The following PSMC1 variants were observed in gnomAD, a reference collection of about 807,000 sequenced individuals.
The protein encoded by PSMC1 is 26S proteasome regulatory subunit 4.
A neutral mutation model predicts 49.8 loss-of-function variants in PSMC1; 5 were observed. The ratio of observed to expected loss-of-function variants is 0.10; its 90% CI spans 0.05 to 0.21. The LOEUF is 0.21. PSMC1 is among the 10% of genes least tolerant of loss of function. The probability of loss-of-function intolerance (pLI) is 1.00; values close to 1 mark genes in which losing one functional copy is unlikely to be tolerated. For synonymous variants in PSMC1, 155 were observed against 192.1 expected, an observed-to-expected ratio of 0.81 and a Z score of 1.60; for missense variants, 181 against 535.7, an observed-to-expected ratio of 0.34 and a Z score of 6.54.
chr14:90,267,301 A>G (rs1429582255), intron 7 of PSMC1, among the ~76,000 whole-genome samples: 2 of 151,852 alleles, frequency 1.3e-5, no homozygotes, highest in African/African-American at 4.8e-5. Flanking sequence ...AGCTAGGATT[A>G]CAGGCATGTG....
intron 1 of PSMC1, among the ~76,000 whole-genome samples, chr14:90,257,353 G>A (rs1349603202): frequency 1.3e-5 from 2 of 152,110 alleles, no homozygotes; most frequent in Admixed American, 6.6e-5. Flanking sequence ...GGGTGGGGTG[G>A]TCATTGTTGT....
At chr14:90,269,600 G>A (rs1427926569) in intron 9 of PSMC1, 52 bp downstream of exon 9, 1 of 1,570,756 alleles carries the variant, frequency 6.4e-7, no homozygotes, top group Non-Finnish European at 8.7e-7. Context: ...ATATATTTGT[G>A]TTTAAGTGTG....
rs1255555636 is a variant in PSMC1, at chr14:90,266,023, A to G, written c.691+857A>G. Among the ~76,000 whole-genome samples the G allele has an allele frequency of 2.0e-5, 3 of 152,182 alleles. No homozygotes were observed. The East Asian group carries it at 5.8e-4, about 29-fold the overall frequency. The stretch of plus-strand genomic sequence containing the variant: ...ATAATCCTAGCACTGTGAGAGGTCA[A>G]GGCGGATGGATGACTTGAGGCCAGG... On this transcript the variant is annotated intron_variant, in intron 7 of 10. Transcript: ENST00000261303.
rs1743029197 is a variant in PSMC1, at chr14:90,273,216, A to AT, written c.*811dup. 6.6e-6 allele frequency: 1 copy of AT among 150,570 alleles called. No homozygotes were observed. The highest frequency in any genetic ancestry group is 6.6e-5 in the Admixed American group (1 of 15,050). The allele number at this position is 150,570 out of a possible 1,614,324, so 9.3% of individuals were successfully genotyped here. A position where few individuals can be genotyped will look rare whatever the true frequency, so the allele number is the denominator to read the frequency against. ...GGCCCACACTGAATGAGGAGTGTGT[A>AT]TTAGTTTTCTGTTAATACTATAACA... On this transcript the variant is annotated 3_prime_UTR_variant, in exon 11 of 11. Transcript: ENST00000261303.
At chr14:90,257,640 G>C (rs1285340090) in intron 1 of PSMC1, among the ~76,000 whole-genome samples, 1 of 152,058 alleles carries the variant, frequency 6.6e-6, no homozygotes, top group Admixed American at 6.5e-5. Context: ...ACGGAGTCTT[G>C]GTCTGTCGTC....
In PSMC1 at chr14:90,274,825, CA is replaced by C. The variant is rs1566678079; in HGVS notation, c.*2419del. ...ACACACACACACACACACACACACA[CA>C]CACACACACACACCCCAATACATAT... is the stretch of plus-strand genomic sequence containing the variant. On this transcript the variant is annotated 3_prime_UTR_variant, in exon 11 of 11. Transcript: ENST00000261303. The C allele has an allele frequency of 5.0e-3, 459 of 91,794 alleles. 5 individuals carry two copies. The highest frequency in any genetic ancestry group is 5.9e-3 in the Middle Eastern group (1 of 170). The allele number at this position is 91,794 out of a possible 1,614,324, so 5.7% of individuals were successfully genotyped here.
chr14:90,269,813 G>T, intron 9 of PSMC1: 1 of 408,650 alleles, frequency 2.4e-6, no homozygotes, highest in Non-Finnish European at 4.3e-6. Context: ...AGAACTTGCT[G>T]CTTTTTCTGG....
chr14:90,257,457 C>T (rs901347147), intron 1 of PSMC1, among the ~76,000 whole-genome samples: 1 of 151,868 alleles, frequency 6.6e-6, no homozygotes. Flanking sequence ...TTGAGCGGAC[C>T]GAAATTGAGG....
At chr14:90,265,222 A>G (rs1403127338) in intron 7 of PSMC1, 56 bp downstream of exon 7, 1 of 1,220,062 alleles carries the variant, frequency 8.2e-7, no homozygotes, top group Non-Finnish European at 1.2e-6. Flanking sequence ...GAGCAGCAGC[A>G]TTGGCTAGTT....
chr14:90,273,155 G>C lies in PSMC1; in HGVS notation c.*748G>C, dbSNP rs536566107. On this transcript the variant is annotated 3_prime_UTR_variant, in exon 11 of 11. Transcript: ENST00000261303. The stretch of plus-strand genomic sequence containing the variant: ...TATTAAGTGGGACAGATCAAGGTAA[G>C]CGTTCCCTTGACAGGTGGCCTGGTG... 9.8e-5 allele frequency: 15 copies of C among 152,326 alleles called. No individual in the cohort carries two copies. The highest frequency in any genetic ancestry group is 9.8e-4 in the Admixed American group (15 of 15,296). 9.4% of individuals were successfully genotyped at this position (152,326 alleles called of 1,614,324 possible).
chr14:90,261,606 C>A (rs11845384), intron 3 of PSMC1, among the ~76,000 whole-genome samples: 83,253 of 151,482 alleles, frequency 0.55, 23,504 homozygotes, highest in Middle Eastern at 0.72. Flanking sequence ...TACCATCTCA[C>A]ACCAGTTAGA....
intron 3 of PSMC1, 30 bp from the exon 4 acceptor site, chr14:90,263,288 A>C: frequency 6.3e-7 from 1 of 1,575,850 alleles, no homozygotes; most frequent in Non-Finnish European, 8.6e-7. Context: ...CAGGGTCCAC[A>C]TATAATGAAA....
In PSMC1 at chr14:90,268,298, ATTCAGAAGTACCT is replaced by A; in HGVS notation, c.767_779del (p.Ile256LysfsTer54). The A allele has an allele frequency of 1.2e-6, 2 of 1,611,192 alleles. No homozygotes were observed. Among genetic ancestry groups the A allele is most frequent in the Non-Finnish European group, 1.7e-6 (2 of 1,177,598 alleles). On this transcript the variant is annotated frameshift_variant, in exon 8 of 11. Coordinates refer to ENST00000261303, the MANE Select transcript of PSMC1 (RefSeq NM_002802.3). LOFTEE classifies it high-confidence loss of function. ...CTTGAGAGTGGTTGGCTCTGAACTTATTCAGAAGTACCTAGGTGATGGGCCCAAACTCGTACGG... is the reference window on the plus strand; with the variant it reads ...CTTGAGAGTGGTTGGCTCTGAACTTAAGGTGATGGGCCCAAACTCGTACGG...
chr14:90,271,487 G>A (rs773286906), intron 10 of PSMC1: 1 of 151,916 alleles, frequency 6.6e-6, no homozygotes, highest in Non-Finnish European at 1.5e-5. Flanking sequence ...TAAATATATT[G>A]GAATAAATGC....
At chr14:90,257,567 G>A (rs1483855865) in intron 1 of PSMC1, among the ~76,000 whole-genome samples, 2 of 152,160 alleles carry the variant, frequency 1.3e-5, no homozygotes, top group Non-Finnish European at 2.9e-5. Context: ...TATCATGAAC[G>A]GCAAGAAGGC....
At position 90,266,755 on chromosome 14, in the gene PSMC1, C is replaced by T. The variant is rs564815645; in HGVS notation, c.692-1469C>T. Among the ~76,000 whole-genome samples, 5 of 152,264 alleles carry T rather than the reference C, an allele frequency of 3.3e-5. No individual in the cohort carries two copies. The East Asian group carries it at 5.8e-4, about 18-fold the overall frequency. On this transcript the variant is annotated intron_variant, in intron 7 of 10. Coordinates refer to ENST00000261303, the MANE Select transcript of PSMC1 (RefSeq NM_002802.3). ...CTGGCTAGACTTGGCTGCTTCTGCACGATAACATCCTATCCACTGGAAAGG... is the reference window on the plus strand; with the variant it reads ...CTGGCTAGACTTGGCTGCTTCTGCATGATAACATCCTATCCACTGGAAAGG...
chr14:90,258,226 C>A (rs533706325), intron 1 of PSMC1, among the ~76,000 whole-genome samples: 1 of 152,228 alleles, frequency 6.6e-6, no homozygotes, highest in East Asian at 1.9e-4. Context: ...AATGATGGTA[C>A]CAGTGTCATC....
intron 7 of PSMC1, 184 bp from the exon 8 acceptor site, chr14:90,268,040 T>G: frequency 2.0e-6 from 1 of 511,900 alleles, no homozygotes; most frequent in Non-Finnish European, 3.4e-6. Context: ...GTTAGTAGAT[T>G]TTTCTAAATG....
chr14:90,268,203 TATC>T lies in PSMC1; in HGVS notation c.692-20_692-18del, dbSNP rs769043945. The T allele has an allele frequency of 1.3e-6, 2 of 1,543,446 alleles. No homozygotes were observed. Among genetic ancestry groups the T allele is most frequent in the Non-Finnish European group, 1.7e-6 (2 of 1,150,852 alleles). Reference sequence around the variant, plus strand: ...GCACTTAAGGTGTCTTTTTTTTTTTTATCTTTTTCATCCAAAATAGGTAAAACC... The same window carrying T: ...GCACTTAAGGTGTCTTTTTTTTTTTTTTTTTCATCCAAAATAGGTAAAACC... On this transcript the variant is annotated intron_variant, in intron 7 of 10. Transcript: ENST00000261303.
Sources: gnomAD v4.1 joint callset for allele counts (sites outside exome capture counted in the v4.1 genomes callset) on GRCh38, gnomAD v4.1.1 for gene constraint, MANE v1.5 for transcripts, NCBI Gene and HGNC (gene_info 2026-07-23, HGNC 2026-07-21) for gene names.